Variants in ME1 observed in about 807,000 individuals in gnomAD.
The protein encoded by ME1 is NADP-dependent malic enzyme.
Under a neutral mutation model 66.4 loss-of-function variants are expected in ME1, and 74 were observed. The observed-to-expected ratio is 1.11, with a 90% CI of 0.92 to 1.35. The LOEUF (loss-of-function observed/expected upper bound fraction) is 1.35. Among genes scored for constraint, ME1 ranks in the 40% most tolerant of loss-of-function variants. ME1 has a pLI of 0.00. For synonymous variants in ME1, 251 were observed against 235.6 expected, an observed-to-expected ratio of 1.07 and a Z score of -0.60; for missense variants, 750 against 694.1, an observed-to-expected ratio of 1.08 and a Z score of -0.90.
At chr6:83,252,942 C>G (rs927666102) in intron 7 of ME1, among the ~76,000 whole-genome samples, 8 of 152,124 alleles carry the variant, frequency 5.3e-5, no homozygotes, top group African/African-American at 1.7e-4. Flanking sequence ...ATAAGATAAA[C>G]ACTGAAAAAC....
At chr6:83,410,082 T>A (rs1396571822) in intron 1 of ME1, among the ~76,000 whole-genome samples, 1 of 152,008 alleles carries the variant, frequency 6.6e-6, no homozygotes, top group African/African-American at 2.4e-5. Context: ...TTTACTTTTT[T>A]ACTTTTGGTT....
At chr6:83,377,154 TG>T (rs1170926380) in intron 3 of ME1, among the ~76,000 whole-genome samples, 1 of 152,230 alleles carries the variant, frequency 6.6e-6, no homozygotes, top group Non-Finnish European at 1.5e-5. Flanking sequence ...TGAAAAATCT[TG>T]GTAAAGACTT....
At chr6:83,305,210 A>G (rs1451550190) in intron 6 of ME1, among the ~76,000 whole-genome samples, 2 of 152,166 alleles carry the variant, frequency 1.3e-5, no homozygotes, top group South Asian at 4.1e-4. Flanking sequence ...CTCTGTGCCA[A>G]GCATTGATAC....
At chr6:83,350,971 CAAAAAAAAAAAAAAA>C (rs34259968) in intron 4 of ME1, among the ~76,000 whole-genome samples, 1 of 55,784 alleles carries the variant, frequency 1.8e-5, no homozygotes, top group South Asian at 1.0e-3. Flanking sequence ...GTGGAGAAAG[CAAAAAAAAAAAAAAA>C]AAAAAAAAAA....
chr6:83,427,092 T>G lies in ME1; in HGVS notation c.78+3785A>C, dbSNP rs549714118. ...ACCATATCCCTGAAAATAAAAAACA[T>G]TAAACATTAAATTAGACACATTTAT... is the stretch of plus-strand genomic sequence containing the variant. On this transcript the variant is annotated intron_variant, in intron 1 of 13. Transcript: ENST00000369705. Among the ~76,000 whole-genome samples the G allele has an allele frequency of 2.6e-5, 4 of 152,238 alleles. No homozygotes were observed. In the East Asian group the frequency reaches 7.7e-4, roughly 29 times the overall value.
rs940381811 is a variant in ME1 at position 83,241,757 on chromosome 6, A to C, written c.815-2121T>G. On this transcript the variant is annotated intron_variant, in intron 7 of 13. Coordinates refer to ENST00000369705, the MANE Select transcript of ME1 (RefSeq NM_002395.6). ...CATAAAACTGTAAATTTTTACAATA[A>C]ATTATTCCATAATAAGTTTTACTTT... Among the ~76,000 whole-genome samples the C allele has an allele frequency of 2.0e-5, 3 of 152,314 alleles. No homozygotes were observed. The Middle Eastern group carries it at 0.01, about 518-fold the overall frequency.
chr6:83,263,079 A>G (rs1275683229), intron 6 of ME1, among the ~76,000 whole-genome samples: 1 of 152,172 alleles, frequency 6.6e-6, no homozygotes, highest in Non-Finnish European at 1.5e-5. Context: ...AATGCTCCCA[A>G]TATTTCAAAC....
chr6:83,407,747 C>G, intron 2 of ME1, 21 bp downstream of exon 2: 2 of 1,544,738 alleles, frequency 1.3e-6, no homozygotes, highest in South Asian at 2.5e-5. Context: ...AATATAAAAA[C>G]CACCTTCAGC....
At chr6:83,252,255 C>CTGTTGT (rs1007272945) in intron 7 of ME1, among the ~76,000 whole-genome samples, 4 of 151,506 alleles carry the variant, frequency 2.6e-5, no homozygotes, top group African/African-American at 7.3e-5. Flanking sequence ...AGCAGGAGTT[C>CTGTTGT]TGTTGTTGTT....
chr6:83,238,799 A>ATATATATATGTAT (rs1554263094), intron 8 of ME1, among the ~76,000 whole-genome samples: 1 of 139,290 alleles, frequency 7.2e-6, no homozygotes, highest in Non-Finnish European at 1.6e-5. Context: ...TTTCTTGAAA[A>ATATATATATGTAT]ATATATATAT....
At chr6:83,385,267 T>C (rs1769485177) in intron 3 of ME1, among the ~76,000 whole-genome samples, 2 of 152,060 alleles carry the variant, frequency 1.3e-5, no homozygotes, top group South Asian at 4.1e-4. Flanking sequence ...AATTCTTTAT[T>C]TTTAGTAAAG....
intron 1 of ME1, among the ~76,000 whole-genome samples, chr6:83,428,777 A>T (rs1029435366): frequency 2.6e-5 from 4 of 152,196 alleles, no homozygotes; most frequent in Non-Finnish European, 5.9e-5. Context: ...AAGTTGGTAC[A>T]CTGGATTGTG....
At chr6:83,277,853 G>C (rs1345386015) in intron 6 of ME1, among the ~76,000 whole-genome samples, 2 of 151,052 alleles carry the variant, frequency 1.3e-5, no homozygotes, top group Non-Finnish European at 3.0e-5. Context: ...AGTGAGCTGA[G>C]ATCGCACCAT....
At chr6:83,266,719 T>C (rs191798910) in intron 6 of ME1, among the ~76,000 whole-genome samples, 56 of 152,276 alleles carry the variant, frequency 3.7e-4, no homozygotes, top group Admixed American at 2.0e-3. Context: ...ATTGCTTCCA[T>C]TGGCACCGGT....
chr6:83,408,224 TAAAAATAA>T (rs1769984204), intron 1 of ME1, among the ~76,000 whole-genome samples: 1 of 152,082 alleles, frequency 6.6e-6, no homozygotes, highest in African/African-American at 2.4e-5. Flanking sequence ...TCAGTACATA[TAAAAATAA>T]AAAGTCATTA....
At chr6:83,237,695 G>GTTAAAAATGACAAATTCTTACC in intron 9 of ME1, 22 bp downstream of exon 9, 1 of 1,422,874 alleles carries the variant, frequency 7.0e-7, no homozygotes, top group Non-Finnish European at 9.8e-7. Context: ...CTTTATTCTG[G>GTTAAAAATGACAAATTCTTACC]TTAAAAATGA....
At chr6:83,237,685 C>G in intron 9 of ME1, 32 bp downstream of exon 9, 38 of 1,323,106 alleles carry the variant, frequency 2.9e-5, no homozygotes, top group Non-Finnish European at 4.1e-5. Context: ...GCATAGTTAT[C>G]TTTATTCTGG....
Position 83,312,442 on chromosome 6 carries a change from T to G in ME1, c.704+2868A>C, listed in dbSNP as rs545686790. On this transcript the variant is annotated intron_variant, in intron 6 of 13. Coordinates refer to ENST00000369705, the MANE Select transcript of ME1 (RefSeq NM_002395.6). ...CAAGACCCATATCAAATCCTCAGCC[T>G]GTGAGTGAAGAGCTCTCATTGTGGA... Among the ~76,000 whole-genome samples the G allele has an allele frequency of 8.8e-4, 134 of 152,280 alleles. 1 individual carries two copies. Among genetic ancestry groups the G allele is most frequent in the African/African-American group, 3.1e-3 (130 of 41,554 alleles).
chr6:83,398,332 G>A, intron 3 of ME1, 35 bp downstream of exon 3: 4 of 1,450,136 alleles, frequency 2.8e-6, no homozygotes, highest in Non-Finnish European at 2.8e-6. Flanking sequence ...AATAAATAAA[G>A]ACACAAGTTG....
Sources: allele counts gnomAD v4.1 joint callset (sites outside exome capture counted in the v4.1 genomes callset), GRCh38; gene constraint gnomAD v4.1.1; transcripts MANE v1.5; gene names NCBI Gene and HGNC (gene_info 2026-07-23, HGNC 2026-07-21).